The following THRB variants were observed in gnomAD, a reference collection of about 807,000 sequenced individuals.
THRB encodes thyroid hormone receptor beta.
Under a neutral mutation model 47.8 loss-of-function variants are expected in THRB, and 12 were observed. The observed-to-expected ratio is 0.25, with a 90% CI of 0.16 to 0.41. The LOEUF (loss-of-function observed/expected upper bound fraction) is 0.41, where lower values mean the gene tolerates loss of function less well. Ranked by LOEUF, THRB falls within the 10% of genes least tolerant of loss-of-function variation. THRB has a pLI of 1.00. For synonymous variants in THRB, 218 were observed against 212.2 expected (o/e 1.03, Z -0.24); for missense variants, 348 against 589.2 (o/e 0.59, Z 4.24).
chr3:24,312,779 G>A (rs1406215336), intron 2 of THRB, among the ~76,000 whole-genome samples: 1 of 152,188 alleles, frequency 6.6e-6, no homozygotes, highest in Non-Finnish European at 1.5e-5. Context: ...TAGGCCATGT[G>A]GAAGAGCGAA....
chr3:24,241,284 T>G (rs938820950), intron 3 of THRB, among the ~76,000 whole-genome samples: 7 of 152,188 alleles, frequency 4.6e-5, no homozygotes, highest in African/African-American at 1.7e-4. Context: ...TGAGGAGCTT[T>G]GCTCACCGTC....
At chr3:24,210,242 T>TG (rs1328096173) in intron 4 of THRB, among the ~76,000 whole-genome samples, 7 of 152,004 alleles carry the variant, frequency 4.6e-5, no homozygotes, top group African/African-American at 1.4e-4. Flanking sequence ...GTTGAAAAGA[T>TG]GGGGAGGGTG....
intron 1 of THRB, among the ~76,000 whole-genome samples, chr3:24,377,798 A>C (rs1356129431): frequency 6.6e-6 from 1 of 152,132 alleles, no homozygotes; most frequent in Non-Finnish European, 1.5e-5. Flanking sequence ...CTGTACACTG[A>C]GAAGAGAGAC....
At chr3:24,357,052 A>G (rs555692080) in intron 1 of THRB, among the ~76,000 whole-genome samples, 60 of 152,054 alleles carry the variant, frequency 3.9e-4, no homozygotes, top group African/African-American at 1.4e-3. Flanking sequence ...CCTATGGCCA[A>G]TAATTTAACT....
chr3:24,326,146 A>G (rs1053706195), intron 2 of THRB, among the ~76,000 whole-genome samples: 1 of 152,244 alleles, frequency 6.6e-6, no homozygotes, highest in Non-Finnish European at 1.5e-5. Flanking sequence ...CAAAATATAA[A>G]TAATAAATAA....
intron 5 of THRB, among the ~76,000 whole-genome samples, chr3:24,157,577 T>A (rs2038056543): frequency 6.6e-6 from 1 of 152,248 alleles, no homozygotes; most frequent in Non-Finnish European, 1.5e-5. Context: ...TCACCCGGAC[T>A]GGAGTGCAGT....
intron 1 of THRB, among the ~76,000 whole-genome samples, chr3:24,444,201 T>TTCTGGCTAATGTTATAGGAC (rs1285891981): frequency 6.6e-6 from 1 of 152,252 alleles, no homozygotes; most frequent in African/African-American, 2.4e-5. Flanking sequence ...TTATAGGACA[T>TTCTGGCTAATGTTATAGGAC]AATCAACAAA....
intron 3 of THRB, among the ~76,000 whole-genome samples, chr3:24,247,332 G>A (rs961901795): frequency 6.6e-6 from 1 of 152,190 alleles, no homozygotes; most frequent in East Asian, 1.9e-4. Flanking sequence ...TGCTTGCTAT[G>A]TTCTAAAGGG....
intron 2 of THRB, among the ~76,000 whole-genome samples, chr3:24,334,173 G>T (rs570839449): frequency 2.3e-4 from 35 of 152,260 alleles, no homozygotes; most frequent in South Asian, 1.9e-3. Context: ...CGGTCAAAAT[G>T]CCCTACTGCA....
chr3:24,201,137 A>C (rs1341180517), intron 4 of THRB, among the ~76,000 whole-genome samples: 1 of 151,556 alleles, frequency 6.6e-6, no homozygotes, highest in Non-Finnish European at 1.5e-5. Context: ...TTTTTTTTTA[A>C]GTTTAGGAAA....
intron 1 of THRB, among the ~76,000 whole-genome samples, chr3:24,487,121 T>C (rs1351785879): frequency 1.3e-5 from 2 of 152,078 alleles, no homozygotes; most frequent in Non-Finnish European, 2.9e-5. Context: ...CAGGCAGCAT[T>C]AGCCAGTGTT....
intron 8 of THRB, 119 bp downstream of exon 8, chr3:24,143,382 G>A: frequency 9.7e-7 from 1 of 1,033,326 alleles, no homozygotes. Flanking sequence ...CAGAGCTACG[G>A]TTTCCCTATC....
At chr3:24,206,477 G>C (rs1316491473) in intron 4 of THRB, among the ~76,000 whole-genome samples, 2 of 152,116 alleles carry the variant, frequency 1.3e-5, no homozygotes, top group Non-Finnish European at 2.9e-5. Flanking sequence ...CAACATACCA[G>C]AATCTCTGGG....
At chr3:24,161,264 C>T (rs973033612) in intron 5 of THRB, among the ~76,000 whole-genome samples, 8 of 152,210 alleles carry the variant, frequency 5.3e-5, no homozygotes, top group African/African-American at 1.9e-4. Flanking sequence ...TTTCCATCAG[C>T]GTCCTTAAGT....
intron 3 of THRB, among the ~76,000 whole-genome samples, chr3:24,252,317 C>A (rs762299582): frequency 2.6e-5 from 4 of 151,900 alleles, no homozygotes; most frequent in Non-Finnish European, 4.4e-5. Flanking sequence ...GACAGAAGTT[C>A]AGAAACAGAC....
intron 2 of THRB, among the ~76,000 whole-genome samples, chr3:24,336,994 C>A (rs572301815): frequency 6.6e-6 from 1 of 152,090 alleles, no homozygotes. Context: ...AAGGAAAAGA[C>A]ACATGGGAAA....
chr3:24,373,096 T>C (rs548298192), intron 1 of THRB, among the ~76,000 whole-genome samples: 1 of 152,024 alleles, frequency 6.6e-6, no homozygotes, highest in East Asian at 1.9e-4. Context: ...CTGTTTTACA[T>C]ACTGGGAGTC....
At chr3:24,411,693 G>C (rs960486110) in intron 1 of THRB, among the ~76,000 whole-genome samples, 1 of 151,700 alleles carries the variant, frequency 6.6e-6, no homozygotes, top group African/African-American at 2.4e-5. Flanking sequence ...GCAATACCTG[G>C]GAACATTTTT....
intron 4 of THRB, among the ~76,000 whole-genome samples, chr3:24,218,324 G>GTC (rs61594117): frequency 2.2e-5 from 3 of 133,910 alleles, no homozygotes; most frequent in Non-Finnish European, 4.6e-5. Context: ...TAAATTTTTT[G>GTC]TCTCTCTCTC....
Sources: gnomAD v4.1 joint callset for allele counts (sites outside exome capture counted in the v4.1 genomes callset) on GRCh38, gnomAD v4.1.1 for gene constraint, MANE v1.5 for transcripts, NCBI Gene and HGNC (gene_info 2026-07-23, HGNC 2026-07-21) for gene names.